Variants in NRG4 observed in about 807,000 individuals in gnomAD.
NRG4 encodes the protein neuregulin 4.
NRG4 carries 10 observed loss-of-function variants against 15.0 expected under a neutral mutation model. That is an observed-to-expected ratio of 0.67 (90% confidence interval 0.41 to 1.13). NRG4 has a LOEUF of 1.13. NRG4 is among the 50% of genes most tolerant of loss of function. NRG4 has a pLI of 0.00. For synonymous variants in NRG4, 41 were observed against 50.1 expected (o/e 0.82, Z 0.77); for missense variants, 139 against 140.2 (o/e 0.99, Z 0.04).
intron 5 of NRG4, among the ~76,000 whole-genome samples, chr15:75,954,289 A>G (rs1287021017): frequency 6.7e-6 from 1 of 148,486 alleles, no homozygotes; most frequent in Non-Finnish European, 1.5e-5. Context: ...GATCTCAGAC[A>G]CTAGTTTTCA....
At chr15:76,055,777 A>T (rs1022515288) in intron 2 of NRG4, among the ~76,000 whole-genome samples, 1 of 152,236 alleles carries the variant, frequency 6.6e-6, no homozygotes. Context: ...GGACTATTTT[A>T]TTATTGACAC....
At chr15:75,983,931 T>G (rs965575461) in intron 3 of NRG4, among the ~76,000 whole-genome samples, 1 of 152,148 alleles carries the variant, frequency 6.6e-6, no homozygotes, top group Non-Finnish European at 1.5e-5. Flanking sequence ...ACATTCTAGA[T>G]GAAATAAATT....
At chr15:76,022,232 G>A (rs1358054156) in intron 5 of NRG4, among the ~76,000 whole-genome samples, 1 of 152,090 alleles carries the variant, frequency 6.6e-6, no homozygotes, top group Non-Finnish European at 1.5e-5. Context: ...ATCAATAAAC[G>A]TGTACTAAGT....
At position 76,045,980 on chromosome 15, in the gene NRG4, T is replaced by C. The variant is rs1020306747; in HGVS notation, c.-105+6087A>G. Among the ~76,000 whole-genome samples, 4 of 151,172 alleles carry C rather than the reference T, an allele frequency of 2.6e-5. 1 individual carries two copies. The highest frequency in any genetic ancestry group is 9.8e-5 in the African/African-American group (4 of 40,624). ...CAGGATAAATGCTTGAGGGGATGGA[T>C]ACCCCATTACCCTGATGTGATTATG... On this transcript the variant is annotated intron_variant, in intron 4 of 8. Coordinates refer to the NRG4 transcript ENST00000563910.
upstream of NRG4, among the ~76,000 whole-genome samples, chr15:76,015,269 C>T (rs1027525544): frequency 2.0e-4 from 31 of 152,182 alleles, no homozygotes; most frequent in African/African-American, 7.2e-4. Context: ...TCTAAATATA[C>T]AATCATGTCA....
At chr15:76,008,099 A>C (rs1318192103) in intron 3 of NRG4, among the ~76,000 whole-genome samples, 1 of 152,182 alleles carries the variant, frequency 6.6e-6, no homozygotes, top group African/African-American at 2.4e-5. Context: ...AAATTAATCC[A>C]TTTTGCACTT....
At chr15:76,013,501 C>A (rs997212580), upstream of NRG4, among the ~76,000 whole-genome samples, 1 of 152,100 alleles carries the variant, frequency 6.6e-6, no homozygotes, top group Non-Finnish European at 1.5e-5. Flanking sequence ...CTCCCTTAGC[C>A]CCCCACCCCG....
At chr15:75,984,903 G>A (rs2033740171) in intron 3 of NRG4, among the ~76,000 whole-genome samples, 1 of 152,156 alleles carries the variant, frequency 6.6e-6, no homozygotes, top group Non-Finnish European at 1.5e-5. Flanking sequence ...AGAATGCAGT[G>A]ATGCAATCTC....
chr15:76,038,542 G>A (rs1187628410), intron 4 of NRG4, among the ~76,000 whole-genome samples: 1 of 152,166 alleles, frequency 6.6e-6, no homozygotes, highest in Non-Finnish European at 1.5e-5. Context: ...AAAAGGAGAG[G>A]GAAAAGTGAG....
intron 3 of NRG4, among the ~76,000 whole-genome samples, chr15:75,990,418 G>A (rs2141869572): frequency 6.6e-6 from 1 of 152,218 alleles, no homozygotes; most frequent in African/African-American, 2.4e-5. Context: ...GAAGATTAGA[G>A]GGATCTCTAA....
At chr15:75,981,885 C>T (rs553189644) in intron 3 of NRG4, among the ~76,000 whole-genome samples, 2 of 151,370 alleles carry the variant, frequency 1.3e-5, no homozygotes, top group African/African-American at 4.9e-5. Flanking sequence ...ATTTGAAAAC[C>T]TGGATGAATT....
intron 5 of NRG4, among the ~76,000 whole-genome samples, chr15:75,948,418 G>A (rs997526141): frequency 6.6e-6 from 1 of 151,962 alleles, no homozygotes; most frequent in Non-Finnish European, 1.5e-5. Context: ...TCCTGCCTCA[G>A]CCTCCTGAGT....
At chr15:76,014,615 G>A (rs2034919608), upstream of NRG4, among the ~76,000 whole-genome samples, 1 of 152,102 alleles carries the variant, frequency 6.6e-6, no homozygotes, top group East Asian at 1.9e-4. Flanking sequence ...TTTCCCCATT[G>A]CTTGTTTTTG....
At chr15:75,939,333 C>A (rs1222509232), downstream of NRG4, 1 of 151,970 alleles carries the variant, frequency 6.6e-6, no homozygotes, top group Non-Finnish European at 1.5e-5. Context: ...TGCTCAAAGT[C>A]CTAGAAATGC....
At chr15:75,993,458 T>C (rs1201791346) in intron 3 of NRG4, among the ~76,000 whole-genome samples, 4 of 148,300 alleles carry the variant, frequency 2.7e-5, no homozygotes, top group African/African-American at 1.0e-4. Flanking sequence ...GGCTCACACC[T>C]GTAATCCCAG....
intron 3 of NRG4, among the ~76,000 whole-genome samples, chr15:75,993,164 T>C (rs1181533316): frequency 6.6e-6 from 1 of 152,052 alleles, no homozygotes; most frequent in Non-Finnish European, 1.5e-5. Flanking sequence ...TTTCTCTTTA[T>C]ATTTTTTTCC....
intron 4 of NRG4, among the ~76,000 whole-genome samples, chr15:75,959,611 C>T (rs2032418428): frequency 6.6e-6 from 1 of 152,140 alleles, no homozygotes; most frequent in Non-Finnish European, 1.5e-5. Flanking sequence ...CCTCCTGCTT[C>T]TGCTTCCCGA....
chr15:75,943,536 TTAAGAAATAAAGG>T lies in NRG4; in HGVS notation c.*89_*101del. ...GATACGAGTTACACAAGCGTTTTAT[TTAAGAAATAAAGG>T]ATTAGATTTTTAATTCTTTTACCTA... On this transcript the variant is annotated 3_prime_UTR_variant, in exon 6 of 6. Coordinates refer to ENST00000394907, the MANE Select transcript of NRG4 (RefSeq NM_138573.4). 6 of 754,672 alleles carry T rather than the reference TTAAGAAATAAAGG, an allele frequency of 8.0e-6. No individual in the cohort carries two copies. The allele number at this position is 754,672 out of a possible 1,614,324, so 46.7% of individuals were successfully genotyped here.
At chr15:75,987,707 C>T (rs1174294367) in intron 3 of NRG4, among the ~76,000 whole-genome samples, 1 of 152,208 alleles carries the variant, frequency 6.6e-6, no homozygotes, top group Non-Finnish European at 1.5e-5. Flanking sequence ...TTTAAGCCAT[C>T]TTGTCTATGG....
Sources: gnomAD v4.1 joint callset for allele counts (sites outside exome capture counted in the v4.1 genomes callset) on GRCh38, gnomAD v4.1.1 for gene constraint, MANE v1.5 for transcripts, NCBI Gene and HGNC (gene_info 2026-07-23, HGNC 2026-07-21) for gene names.